ZBTB46: variants seen among roughly 807,000 people sequenced by gnomAD.
ZBTB46 encodes zinc finger and BTB domain containing 46.
In ZBTB46, 8 loss-of-function variants were observed where a neutral mutation model predicts 44.1. The ratio of observed to expected loss-of-function variants is 0.18; its 90% CI spans 0.11 to 0.33. The LOEUF is 0.33. Ranked by LOEUF, ZBTB46 falls within the 10% of genes least tolerant of loss-of-function variation. The probability of loss-of-function intolerance (pLI) is 1.00; values close to 1 mark genes in which losing one functional copy is unlikely to be tolerated. For missense variants in ZBTB46, 651 were observed against 847.7 expected, an observed-to-expected ratio of 0.77 and a Z score of 2.88; for synonymous variants, 409 against 382.3, an observed-to-expected ratio of 1.07 and a Z score of -0.81.
At chr20:63,773,037 T>C (rs2092390218) in intron 3 of ZBTB46, among the ~76,000 whole-genome samples, 1 of 152,106 alleles carries the variant, frequency 6.6e-6, no homozygotes, top group African/African-American at 2.4e-5. Context: ...AGGTCAGACC[T>C]GGCACCACAG....
rs889794016 is a variant in ZBTB46, at chr20:63,744,516, C to T, written c.*2414G>A. ...AATACAAAATGTGAAATGTAATCTACACATTTTTCCTCTTCATAAAAAAAT... is the reference window on the plus strand; with the variant it reads ...AATACAAAATGTGAAATGTAATCTATACATTTTTCCTCTTCATAAAAAAAT... On this transcript the variant is annotated 3_prime_UTR_variant, in exon 5 of 5. Transcript: ENST00000245663. The T allele has an allele frequency of 8.5e-5, 13 of 152,168 alleles. No individual in the cohort carries two copies. Among genetic ancestry groups the T allele is most frequent in the African/African-American group, 3.1e-4 (13 of 41,382 alleles). 9.4% of individuals were successfully genotyped at this position (152,168 alleles called of 1,614,324 possible).
At chr20:63,807,163 G>A (rs920684278) in intron 1 of ZBTB46, among the ~76,000 whole-genome samples, 5 of 152,168 alleles carry the variant, frequency 3.3e-5, no homozygotes, top group African/African-American at 4.8e-5. Flanking sequence ...TATAGAGAGA[G>A]ACAGAGATGG....
intron 1 of ZBTB46, among the ~76,000 whole-genome samples, chr20:63,793,633 A>G (rs935664644): frequency 3.3e-5 from 5 of 152,214 alleles, no homozygotes; most frequent in Non-Finnish European, 7.3e-5. Context: ...GAACTATGAA[A>G]ACAACAACAA....
At chr20:63,831,321 C>G (rs2092850737), upstream of ZBTB46, 1 of 139,780 alleles carries the variant, frequency 7.2e-6, no homozygotes, top group Non-Finnish European at 1.6e-5. Context: ...CGCGCCCCGC[C>G]CGCGGACCCT....
chr20:63,790,970 G>T, intron 1 of ZBTB46, 180 bp from the exon 2 acceptor site: 1 of 836,382 alleles, frequency 1.2e-6, no homozygotes, highest in Non-Finnish European at 1.8e-6. Context: ...AAGCAGGGCA[G>T]CAAACACCGG....
intron 3 of ZBTB46, among the ~76,000 whole-genome samples, chr20:63,766,494 G>A (rs539747215): frequency 4.0e-5 from 6 of 149,698 alleles, no homozygotes; most frequent in South Asian, 2.1e-4. Flanking sequence ...GGGATCACAG[G>A]CATGAGCCAC....
intron 2 of ZBTB46, among the ~76,000 whole-genome samples, chr20:63,779,487 T>G (rs2092452214): frequency 6.8e-6 from 1 of 147,172 alleles, no homozygotes; most frequent in South Asian, 2.2e-4. Context: ...TGGCATGATC[T>G]TGGCTCACTG....
chr20:63,759,642 C>G (rs1258000543), intron 3 of ZBTB46, among the ~76,000 whole-genome samples: 3 of 152,178 alleles, frequency 2.0e-5, no homozygotes, highest in Non-Finnish European at 4.4e-5. Context: ...CTCTCAGGGG[C>G]AGCCCTGCAC....
At chr20:63,833,852 T>C (rs112200722), upstream of ZBTB46, among the ~76,000 whole-genome samples, 12 of 152,366 alleles carry the variant, frequency 7.9e-5, no homozygotes, top group Admixed American at 2.0e-4. Flanking sequence ...CAGACCGTTA[T>C]TCCAAGAGCT....
Position 63,803,490 on chromosome 20 carries a change from A to C in ZBTB46, c.-33-12700T>G. 1 of 985,230 alleles carries C rather than the reference A, an allele frequency of 1.0e-6. No individual in the cohort carries two copies. Among genetic ancestry groups the C allele is most frequent in the Non-Finnish European group, 1.2e-6 (1 of 829,884 alleles). 61.0% of individuals were successfully genotyped at this position (985,230 alleles called of 1,614,324 possible). A position where few individuals can be genotyped will look rare whatever the true frequency, so the allele number is the denominator to read the frequency against. ...AGTGGGTGCTGGCGATGAGGACTTT[A>C]GGTTTTCCACATGGCAGCCCCCATG... On this transcript the variant is annotated intron_variant, in intron 1 of 4. Coordinates refer to ENST00000245663, the MANE Select transcript of ZBTB46 (RefSeq NM_001369741.1). The surrounding 1 kb of genome is among the most constrained non-coding windows in gnomAD (Gnocchi z 4.0).
intron 2 of ZBTB46, among the ~76,000 whole-genome samples, chr20:63,780,243 C>T (rs1252505597): frequency 6.6e-6 from 1 of 151,602 alleles, no homozygotes; most frequent in African/African-American, 2.4e-5. Context: ...TGCACTCCAG[C>T]CTGGGCAACA....
rs549784698 is a variant in ZBTB46, at chr20:63,746,970, G to A, written c.1730C>T (p.Pro577Leu). ...DEEDSPRPRS[P>L]PGGPDKDFAW... Reference sequence around the variant, plus strand: ...GAAGTCCTTGTCAGGGCCTCCTGGGGGGCTGCGCGGCCGCGGCGAGTCTTC... The same window carrying A: ...GAAGTCCTTGTCAGGGCCTCCTGGGAGGCTGCGCGGCCGCGGCGAGTCTTC... Residue 577 changes from proline to leucine, a missense_variant, in exon 5 of 5, where the codon CCC becomes CTC. Around this residue, in one of 5 missense-constraint regions of ZBTB46, gnomAD observed 106 missense variants for 81.0 expected, o/e 1.31. Coordinates refer to ENST00000245663, the MANE Select transcript of ZBTB46 (RefSeq NM_001369741.1). 22 of 1,598,774 alleles carry A rather than the reference G, an allele frequency of 1.4e-5. No homozygotes were observed. In the Admixed American group the frequency reaches 3.6e-4, roughly 26 times the overall value.
intron 3 of ZBTB46, among the ~76,000 whole-genome samples, chr20:63,761,724 G>C (rs2092279413): frequency 6.6e-6 from 1 of 151,114 alleles, no homozygotes; most frequent in African/African-American, 2.4e-5. Flanking sequence ...AGAGGTTGCA[G>C]TGAGCAGACA....
At chr20:63,763,365 G>A (rs2092293148) in intron 3 of ZBTB46, among the ~76,000 whole-genome samples, 1 of 152,088 alleles carries the variant, frequency 6.6e-6, no homozygotes, top group Non-Finnish European at 1.5e-5. Context: ...CCTGCAACTG[G>A]ATAATTTATG....
Position 63,789,927 on chromosome 20 carries a change from C to G in ZBTB46, c.831G>C (p.Glu277Asp). Residue 277 changes from glutamate to aspartate, a missense_variant, in exon 2 of 5, where the codon GAG becomes GAC. By Grantham distance (45) the Glu-to-Asp change is conservative. Coordinates refer to ENST00000245663, the MANE Select transcript of ZBTB46 (RefSeq NM_001369741.1). ...TGRRKNRKNK[E>D]TVRHITQQVE... ...CCTGCTGTGTGATGTGCCGGACGGT[C>G]TCTTTGTTTTTCCGATTCTTCCTTC... 1.2e-6 allele frequency: 2 copies of G among 1,614,104 alleles called. No individual in the cohort carries two copies. The highest frequency in any genetic ancestry group is 1.7e-6 in the Non-Finnish European group (2 of 1,180,050).
chr20:63,816,199 G>C (rs1322194693), intron 1 of ZBTB46, among the ~76,000 whole-genome samples: 2 of 151,970 alleles, frequency 1.3e-5, no homozygotes, highest in African/African-American at 2.4e-5. Flanking sequence ...CAGGTGCAGT[G>C]AGCAAGGCAA....
intron 1 of ZBTB46, among the ~76,000 whole-genome samples, chr20:63,810,015 C>T (rs1205873396): frequency 6.6e-6 from 1 of 151,710 alleles, no homozygotes; most frequent in Non-Finnish European, 1.5e-5. Context: ...CAAACATTAA[C>T]GTAATGTCAA....
chr20:63,755,654 G>T (rs2092214125), intron 3 of ZBTB46, among the ~76,000 whole-genome samples: 1 of 152,182 alleles, frequency 6.6e-6, no homozygotes, highest in African/African-American at 2.4e-5. Context: ...TGACAGTACT[G>T]TGATCATTGA....
At chr20:63,832,136 G>A (rs2092855405), upstream of ZBTB46, among the ~76,000 whole-genome samples, 1 of 151,902 alleles carries the variant, frequency 6.6e-6, no homozygotes, top group Non-Finnish European at 1.5e-5. This position sits in a 1 kb window ranked among gnomAD's most constrained non-coding sequence, Gnocchi z 5.0. Context: ...CCCGGGCCTC[G>A]CCCCAGCCCG....
Sources: gnomAD v4.1 joint callset for allele counts (sites outside exome capture counted in the v4.1 genomes callset) on GRCh38, gnomAD v4.1.1 for gene constraint, gnomAD v4.1.1 regional missense constraint, Gnocchi (gnomAD v3.1) non-coding constraint, MANE v1.5 for transcripts, NCBI Gene and HGNC (gene_info 2026-07-23, HGNC 2026-07-21) for gene names.